The following DSG4 variants were observed in gnomAD, a reference collection of about 807,000 sequenced individuals.
DSG4 encodes the protein desmoglein 4.
In DSG4, 87 loss-of-function variants were observed where a neutral mutation model predicts 93.1. The ratio of observed to expected loss-of-function variants is 0.93; its 90% CI spans 0.79 to 1.12. The LOEUF is 1.12. Ranked by LOEUF, DSG4 falls within the 50% of genes most tolerant of loss-of-function variation. The probability of loss-of-function intolerance (pLI) is 0.00; values close to 1 mark genes in which losing one functional copy is unlikely to be tolerated. For synonymous variants in DSG4, 432 were observed against 452.9 expected (o/e 0.95, Z 0.59); for missense variants, 1,373 against 1,285.7 (o/e 1.07, Z -1.04).
intron 1 of DSG4, among the ~76,000 whole-genome samples, chr18:31,378,853 A>G (rs1398340436): frequency 2.0e-5 from 3 of 152,162 alleles, no homozygotes; most frequent in African/African-American, 4.8e-5. Context: ...AGGAAAGTAG[A>G]CATGCCTACT....
In DSG4 at chr18:31,406,070, A is replaced by G; in HGVS notation, c.1637-7A>G. ...ATTTATTTTCTGTTTCCTCTCTTCCATTTCAGCTACCTCGGCAATCCTTAC... is the reference window on the plus strand; with the variant it reads ...ATTTATTTTCTGTTTCCTCTCTTCCGTTTCAGCTACCTCGGCAATCCTTAC... On this transcript the variant is annotated splice_polypyrimidine_tract_variant and splice_region_variant and intron_variant, in intron 11 of 15. Coordinates refer to ENST00000308128, the MANE Select transcript of DSG4 (RefSeq NM_177986.5). 1 of 1,613,898 alleles carries G rather than the reference A, an allele frequency of 6.2e-7. No homozygotes were observed.
intron 14 of DSG4, among the ~76,000 whole-genome samples, chr18:31,410,533 A>G (rs1378174813): frequency 3.3e-5 from 5 of 151,996 alleles, no homozygotes. Flanking sequence ...TTAAAGAGCT[A>G]AAGAAAAGGC....
intron 8 of DSG4, among the ~76,000 whole-genome samples, chr18:31,392,656 A>G (rs2072262485): frequency 6.6e-6 from 1 of 152,214 alleles, no homozygotes; most frequent in South Asian, 2.1e-4. Flanking sequence ...AGATGTCATG[A>G]TATAAAACAT....
chr18:31,402,073 GT>G (rs1346164443), intron 10 of DSG4, among the ~76,000 whole-genome samples: 2 of 152,168 alleles, frequency 1.3e-5, no homozygotes, highest in Non-Finnish European at 2.9e-5. Context: ...TTGGTCATAT[GT>G]GAAAAATCTT....
chr18:31,377,024 G>A (rs369450835), intron 1 of DSG4, 65 bp downstream of exon 1: 37 of 1,545,598 alleles, frequency 2.4e-5, no homozygotes, highest in African/African-American at 6.9e-5. Flanking sequence ...GTCAACTGTC[G>A]GGCTTTCTAC....
At chr18:31,402,723 T>G (rs1174617388) in intron 10 of DSG4, among the ~76,000 whole-genome samples, 2 of 152,074 alleles carry the variant, frequency 1.3e-5, no homozygotes, top group East Asian at 3.9e-4. Context: ...AAATTCCGTA[T>G]TCGCTGTAAC....
At position 31,403,760 on chromosome 18, in the gene DSG4, T is replaced by A. The variant is rs1349806438; in HGVS notation, c.1636+126T>A. 34 of 856,084 alleles carry A rather than the reference T, an allele frequency of 4.0e-5. No homozygotes were observed. In the East Asian group the frequency reaches 5.1e-4, roughly 13 times the overall value. 53.0% of individuals were successfully genotyped at this position (856,084 alleles called of 1,614,324 possible). ...TCCACAGTTCTTGCCATATTAACAT[T>A]AAATGAAAAAAATATTTCATGTACA... On this transcript the variant is annotated intron_variant, in intron 11 of 15. Transcript: ENST00000308128.
intron 11 of DSG4, 53 bp from the exon 12 acceptor site, chr18:31,406,024 C>T: frequency 1.9e-6 from 3 of 1,609,110 alleles, no homozygotes; most frequent in Non-Finnish European, 8.5e-7. Flanking sequence ...AACCACCCCC[C>T]TAGCCCACCA....
At chr18:31,380,118 G>T (rs964726934) in intron 1 of DSG4, among the ~76,000 whole-genome samples, 2 of 152,058 alleles carry the variant, frequency 1.3e-5, no homozygotes, top group Admixed American at 1.3e-4. Context: ...TATAAAAAAA[G>T]CTTTATATCC....
At chr18:31,386,593 G>C in intron 2 of DSG4, 95 bp from the exon 3 acceptor site, 1 of 1,552,258 alleles carries the variant, frequency 6.4e-7, no homozygotes, top group South Asian at 1.1e-5. Context: ...CAATATCACT[G>C]TTTCTTCTAA....
rs1568071331 is a variant in DSG4, at chr18:31,406,217, C to T, written c.1777C>T (p.His593Tyr). The change falls in exon 12 of 16, where the codon CAC (histidine) becomes TAC (tyrosine). Residue 593 changes from histidine to tyrosine, a missense_variant. Physicochemically the swap from His to Tyr is moderately conservative, Grantham distance 83. Coordinates refer to ENST00000308128, the MANE Select transcript of DSG4 (RefSeq NM_177986.5). ...QLYACDCDDN[H>Y]MCLDSGAAGI... The stretch of plus-strand genomic sequence containing the variant: ...ATATGCCTGTGATTGCGATGACAAC[C>T]ACATGTGCCTGGACTCTGGTGCCGC... The T allele has an allele frequency of 6.2e-7, 1 of 1,614,044 alleles. No homozygotes were observed. The highest frequency in any genetic ancestry group is 1.1e-5 in the South Asian group (1 of 91,086).
chr18:31,413,699 A>T lies in DSG4; in HGVS notation c.*104A>T, dbSNP rs1045572404. ...CCATATATATTAATAGTCAACAAATACTCAGATATTCTAAGGTCAATGCCA... is the reference window on the plus strand; with the variant it reads ...CCATATATATTAATAGTCAACAAATTCTCAGATATTCTAAGGTCAATGCCA... On this transcript the variant is annotated 3_prime_UTR_variant, in exon 16 of 16. Coordinates refer to ENST00000308128, the MANE Select transcript of DSG4 (RefSeq NM_177986.5). 8.4e-5 allele frequency: 120 copies of T among 1,420,578 alleles called. 1 individual carries two copies. In the Admixed American group the frequency reaches 2.1e-3, roughly 25 times the overall value. The allele number at this position is 1,420,578 out of a possible 1,614,324, so 88.0% of individuals were successfully genotyped here. A position where few individuals can be genotyped will look rare whatever the true frequency, so the allele number is the denominator to read the frequency against.
At chr18:31,397,899 T>C (rs1196752694) in intron 8 of DSG4, among the ~76,000 whole-genome samples, 1 of 151,890 alleles carries the variant, frequency 6.6e-6, no homozygotes, top group Admixed American at 6.6e-5. Context: ...TGGTGGCGCA[T>C]GCTTATAGTC....
rs1439332371 is a variant in DSG4 at position 31,390,778 on chromosome 18, T to A, written c.640T>A (p.Tyr214Asn). The part of the protein sequence containing the change: ...SGAPMFILNR[Y>N]TGEVCTMSSF... ...TGCACCCATGTTCATTCTGAATAGG[T>A]ACACTGGAGAAGTCTGCACCATGTC... Residue 214 changes from tyrosine (Y) to asparagine (N), a missense_variant, in exon 6 of 16, where the codon TAC (tyrosine) becomes AAC (asparagine). By Grantham distance (143) the Tyr-to-Asn change is moderately radical. Transcript: ENST00000308128. 1.2e-6 allele frequency: 2 copies of A among 1,613,742 alleles called. No homozygotes were observed. Among genetic ancestry groups the A allele is most frequent in the Non-Finnish European group, 1.7e-6 (2 of 1,179,782 alleles).
rs2072391111 is a variant in DSG4 at position 31,403,452 on chromosome 18, T to C, written c.1454T>C (p.Ile485Thr). The C allele has an allele frequency of 1.2e-6, 2 of 1,613,692 alleles. No homozygotes were observed. Among genetic ancestry groups the C allele is most frequent in the South Asian group, 1.1e-5 (1 of 90,994 alleles). The change falls in exon 11 of 16, where the codon ATT (isoleucine) becomes ACT (threonine). Residue 485 changes from isoleucine (I) to threonine (T), a missense_variant. Physicochemically the swap from Ile to Thr is moderately conservative, Grantham distance 89. Transcript: ENST00000308128. ...SGKTATGTIC[I>T]EVPDINDYCP... ...AAAACAGCTACAGGAACCATATGTA[T>C]TGAGGTTCCTGATATCAATGATTAT...
intron 8 of DSG4, among the ~76,000 whole-genome samples, chr18:31,393,916 A>G (rs533292232): frequency 2.0e-5 from 3 of 152,334 alleles, no homozygotes; most frequent in African/African-American, 7.2e-5. Flanking sequence ...ATTTATATAT[A>G]AGATTGTCAT....
At chr18:31,379,430 C>T (rs2072111340) in intron 1 of DSG4, among the ~76,000 whole-genome samples, 1 of 152,126 alleles carries the variant, frequency 6.6e-6, no homozygotes, top group Non-Finnish European at 1.5e-5. Context: ...GCTGGAGAAT[C>T]TGAGGATTTA....
chr18:31,411,792 G>C (rs1179874342), intron 15 of DSG4, among the ~76,000 whole-genome samples: 1 of 151,822 alleles, frequency 6.6e-6, no homozygotes, highest in African/African-American at 2.4e-5. Flanking sequence ...GGGGAAAAAA[G>C]GTGCATTTAT....
chr18:31,399,713 A>G (rs2090544349), intron 9 of DSG4, among the ~76,000 whole-genome samples, 170 bp downstream of exon 9: 2 of 152,234 alleles, frequency 1.3e-5, no homozygotes, highest in Non-Finnish European at 2.9e-5. Context: ...TAAGTGTTTT[A>G]GAGGCTTCAA....
Sources: allele counts gnomAD v4.1 joint callset (sites outside exome capture counted in the v4.1 genomes callset), GRCh38; gene constraint gnomAD v4.1.1; transcripts MANE v1.5; gene names NCBI Gene and HGNC (gene_info 2026-07-23, HGNC 2026-07-21).